Variants in ZBTB20 observed in about 807,000 individuals in gnomAD.
The protein encoded by ZBTB20 is zinc finger and BTB domain containing 20.
Under a neutral mutation model 56.9 loss-of-function variants are expected in ZBTB20, and 9 were observed. That is an observed-to-expected ratio of 0.16 (90% CI 0.10 to 0.28). ZBTB20 has a LOEUF of 0.28. ZBTB20 is among the 10% of genes least tolerant of loss of function. The pLI is 1.00. For synonymous variants in ZBTB20, 417 were observed against 420.7 expected (o/e 0.99, Z 0.11); for missense variants, 655 against 1,003.0 (o/e 0.65, Z 4.69).
chr3:114,486,119 A>AGT (rs150394898), intron 7 of ZBTB20, among the ~76,000 whole-genome samples: 3,111 of 26,626 alleles, frequency 0.12, 888 homozygotes, highest in African/African-American at 0.15. Flanking sequence ...GGTCAGTAAG[A>AGT]GTGTGTGTGT....
chr3:114,418,585 TAA>T (rs11393775), intron 7 of ZBTB20, among the ~76,000 whole-genome samples: 4 of 147,262 alleles, frequency 2.7e-5, no homozygotes, highest in East Asian at 3.9e-4. Flanking sequence ...TTGAGTATAT[TAA>T]AAAAAAAAAA....
chr3:114,348,854 A>G (rs2080408481), intron 11 of ZBTB20, among the ~76,000 whole-genome samples: 1 of 152,170 alleles, frequency 6.6e-6, no homozygotes, highest in Non-Finnish European at 1.5e-5. Flanking sequence ...GTTTTCATGT[A>G]TCAGAATTCG....
intron 6 of ZBTB20, among the ~76,000 whole-genome samples, chr3:114,569,806 GGACAGGACT>G (rs1224576503): frequency 1.3e-5 from 2 of 151,388 alleles, no homozygotes; most frequent in African/African-American, 4.8e-5. Context: ...CGATCACTAA[GGACAGGACT>G]GAACAGGGCA....
intron 3 of ZBTB20, among the ~76,000 whole-genome samples, chr3:114,967,126 T>C (rs979892062): frequency 6.6e-6 from 1 of 152,222 alleles, no homozygotes; most frequent in African/African-American, 2.4e-5. Flanking sequence ...CAGATGTTTT[T>C]AAGTATTCAT....
chr3:114,938,616 G>T (rs1307445478), intron 3 of ZBTB20, among the ~76,000 whole-genome samples: 2 of 145,498 alleles, frequency 1.4e-5, no homozygotes, highest in East Asian at 1.9e-4. Flanking sequence ...AGTGGGAGCT[G>T]AACAATGAGA....
intron 10 of ZBTB20, among the ~76,000 whole-genome samples, chr3:114,379,378 T>C (rs1215218233): frequency 6.6e-6 from 1 of 152,222 alleles, no homozygotes; most frequent in African/African-American, 2.4e-5. Flanking sequence ...TCCAAAGTTA[T>C]TTCATTCCTT....
At chr3:115,064,265 T>C (rs780010518) in intron 2 of ZBTB20, among the ~76,000 whole-genome samples, 8 of 152,046 alleles carry the variant, frequency 5.3e-5, no homozygotes, top group Non-Finnish European at 1.2e-4. Flanking sequence ...TGGTCTTTTC[T>C]CCTCAGTTTT....
At chr3:114,882,626 C>G (rs1033406355) in intron 4 of ZBTB20, among the ~76,000 whole-genome samples, 3 of 151,672 alleles carry the variant, frequency 2.0e-5, no homozygotes, top group African/African-American at 7.3e-5. Flanking sequence ...ATATAATATA[C>G]CAAAATATAA....
intron 1 of ZBTB20, among the ~76,000 whole-genome samples, chr3:115,083,252 C>T (rs977290240): frequency 2.6e-5 from 4 of 152,048 alleles, no homozygotes; most frequent in Admixed American, 2.6e-4. Context: ...TAAAGAATAA[C>T]CATTGATCAT....
At chr3:115,128,324 G>T (rs1239961029) in intron 1 of ZBTB20, among the ~76,000 whole-genome samples, 1 of 152,132 alleles carries the variant, frequency 6.6e-6, no homozygotes, top group Non-Finnish European at 1.5e-5. Flanking sequence ...ATCAGTTGAG[G>T]TAGTTGTTTC....
At chr3:114,447,736 A>G (rs567022207) in intron 7 of ZBTB20, among the ~76,000 whole-genome samples, 1 of 152,274 alleles carries the variant, frequency 6.6e-6, no homozygotes, top group South Asian at 2.1e-4. Flanking sequence ...CATCTACTGA[A>G]TCAGTTAGAT....
chr3:114,565,308 A>C (rs1288745994), intron 6 of ZBTB20, among the ~76,000 whole-genome samples: 1 of 152,192 alleles, frequency 6.6e-6, no homozygotes, highest in Non-Finnish European at 1.5e-5. Flanking sequence ...TCACTGAACT[A>C]CAGATTAAAG....
At chr3:114,899,536 AT>A (rs1340257659) in intron 4 of ZBTB20, among the ~76,000 whole-genome samples, 4 of 152,214 alleles carry the variant, frequency 2.6e-5, no homozygotes, top group South Asian at 4.1e-4. Context: ...TAAAAAAAAA[AT>A]ATTTGAGTCA....
rs182960284 is a variant in ZBTB20, at chr3:114,429,792, C to A, written c.-254-40687G>T. On this transcript the variant is annotated intron_variant, in intron 7 of 11. Transcript: ENST00000675478. ...GCAGTATAACAGCTATTTACATAGA[C>A]CTTACATTGCATTAGGTATTATAAG... Among the ~76,000 whole-genome samples, 211 of 152,138 alleles carry A rather than the reference C, an allele frequency of 1.4e-3. 1 individual carries two copies. The highest frequency in any genetic ancestry group is 4.5e-3 in the African/African-American group (187 of 41,484).
intron 5 of ZBTB20, among the ~76,000 whole-genome samples, chr3:114,732,599 G>T (rs1164952190): frequency 1.3e-5 from 2 of 152,120 alleles, no homozygotes; most frequent in Non-Finnish European, 1.5e-5. Context: ...TTCATTCTGG[G>T]TGACTTCCTT....
In ZBTB20 at chr3:115,015,184, CA is replaced by C. The variant is rs1223343934; in HGVS notation, c.-506-40769del. On this transcript the variant is annotated intron_variant, in intron 2 of 11. Transcript: ENST00000675478. ...TGTGACTAATTACATAATAGTTATA[CA>C]AAAAAACATATTCTAGATCAGCTAA... Among the ~76,000 whole-genome samples, 4 of 151,546 alleles carry C rather than the reference CA, an allele frequency of 2.6e-5. No individual in the cohort carries two copies. The East Asian group carries it at 7.8e-4, about 30-fold the overall frequency.
At chr3:114,413,322 AT>A (rs1343223987) in intron 7 of ZBTB20, among the ~76,000 whole-genome samples, 9 of 152,150 alleles carry the variant, frequency 5.9e-5, no homozygotes, top group African/African-American at 2.2e-4. Context: ...AAAAGAAACA[AT>A]TTATGACAAA....
chr3:114,665,039 A>C (rs992358344), intron 6 of ZBTB20, among the ~76,000 whole-genome samples: 9 of 152,136 alleles, frequency 5.9e-5, no homozygotes, highest in Non-Finnish European at 1.0e-4. Context: ...CTGATGGAAC[A>C]CAATATTTAT....
At chr3:114,787,330 G>GTTTT (rs200410528) in intron 5 of ZBTB20, among the ~76,000 whole-genome samples, 1 of 24,914 alleles carries the variant, frequency 4.0e-5, no homozygotes, top group African/African-American at 1.7e-4. Flanking sequence ...GTCTTAAAAG[G>GTTTT]TTATATATAT....
Sources: gnomAD v4.1 joint callset for allele counts (sites outside exome capture counted in the v4.1 genomes callset) on GRCh38, gnomAD v4.1.1 for gene constraint, MANE v1.5 for transcripts, NCBI Gene and HGNC (gene_info 2026-07-23, HGNC 2026-07-21) for gene names.